The following RP1 variants were observed in gnomAD, a reference collection of about 807,000 sequenced individuals.
RP1 encodes oxygen-regulated protein 1.
A neutral mutation model predicts 14.8 loss-of-function variants in RP1; 16 were observed. That is an observed-to-expected ratio of 1.08 (90% CI 0.73 to 1.65). The LOEUF is 1.65. RP1 is among the 40% of genes most tolerant of loss of function. The probability of loss-of-function intolerance (pLI) is 0.00; values close to 1 mark genes in which losing one functional copy is unlikely to be tolerated. For missense variants in RP1, 2,631 were observed against 2,535.0 expected, an observed-to-expected ratio of 1.04 and a Z score of -0.81; for synonymous variants, 876 against 883.6, an observed-to-expected ratio of 0.99 and a Z score of 0.15.
intron 24 of RP1, among the ~76,000 whole-genome samples, chr8:54,809,375 C>T (rs1041359635): frequency 2.0e-5 from 3 of 152,314 alleles, no homozygotes; most frequent in African/African-American, 4.8e-5. Context: ...AGGCCAAATT[C>T]TCACAGGATA....
chr8:54,607,701 G>A (rs1300578296), intron 1 of RP1, among the ~76,000 whole-genome samples: 4 of 152,160 alleles, frequency 2.6e-5, no homozygotes, highest in Non-Finnish European at 4.4e-5. Flanking sequence ...CCCAGTTTGA[G>A]GTTCCTGGCC....
intron 23 of RP1, among the ~76,000 whole-genome samples, chr8:54,779,505 A>G (rs752940477): frequency 3.9e-5 from 6 of 152,194 alleles, no homozygotes; most frequent in African/African-American, 7.2e-5. Context: ...AGGTGTTTCT[A>G]TATTCAAAAA....
intron 1 of RP1, among the ~76,000 whole-genome samples, chr8:54,566,785 T>A (rs534396600): frequency 2.0e-5 from 3 of 152,072 alleles, no homozygotes; most frequent in South Asian, 4.2e-4. Context: ...GAAAGAAAGG[T>A]AAAAGATATT....
chr8:54,824,355 A>G (rs1585723583), intron 24 of RP1, among the ~76,000 whole-genome samples: 1 of 152,180 alleles, frequency 6.6e-6, no homozygotes, highest in Admixed American at 6.5e-5. Flanking sequence ...AACTCACCCA[A>G]TATGAAATAG....
At chr8:54,644,310 C>G (rs564733160) in intron 3 of RP1, among the ~76,000 whole-genome samples, 16 of 152,308 alleles carry the variant, frequency 1.1e-4, no homozygotes, top group Admixed American at 3.9e-4. Context: ...GTTCTCTGGG[C>G]CCTACTTGGG....
At chr8:54,833,296 A>C (rs1811576588) in intron 24 of RP1, among the ~76,000 whole-genome samples, 1 of 151,862 alleles carries the variant, frequency 6.6e-6, no homozygotes, top group African/African-American at 2.4e-5. Flanking sequence ...TCATGCAAAA[A>C]GCTATACAAA....
intron 24 of RP1, among the ~76,000 whole-genome samples, chr8:54,796,412 T>C (rs1810578045): frequency 6.6e-6 from 1 of 152,162 alleles, no homozygotes; most frequent in Non-Finnish European, 1.5e-5. Context: ...TGTGTTCCTC[T>C]AGAAGATATG....
intron 3 of RP1, among the ~76,000 whole-genome samples, chr8:54,645,027 T>C (rs561855671): frequency 2.6e-5 from 4 of 152,314 alleles, no homozygotes; most frequent in African/African-American, 9.6e-5. Context: ...ATTTATATCA[T>C]AATTACATCT....
At chr8:54,618,297 T>A (rs904076382) in intron 1 of RP1, among the ~76,000 whole-genome samples, 1 of 152,130 alleles carries the variant, frequency 6.6e-6, no homozygotes, top group Non-Finnish European at 1.5e-5. Flanking sequence ...GGCAGCTGCT[T>A]CTTTGCTCCT....
intron 22 of RP1, among the ~76,000 whole-genome samples, chr8:54,766,544 T>C (rs988907331): frequency 6.6e-6 from 1 of 152,158 alleles, no homozygotes; most frequent in Non-Finnish European, 1.5e-5. Context: ...TGTTCATTTT[T>C]TGGGGATGGG....
In RP1 at chr8:54,630,020, T is replaced by C. The variant is rs1343611961; in HGVS notation, c.6138T>C (p.Asn2046=). The change falls in exon 4 of 4, where the codon AAT becomes AAC. Residue 2046 remains asparagine (N), a synonymous_variant. Transcript: ENST00000220676. The part of the protein sequence containing the change: ...FLHTSLLVVG[N]VDSNTQDLSG... ...ACACATCATTGTTAGTTGTGGGTAA[T>C]GTGGATTCAAATACACAAGACCTCA... The C allele has an allele frequency of 5.6e-6, 9 of 1,614,072 alleles. No individual in the cohort carries two copies. Among genetic ancestry groups the C allele is most frequent in the Admixed American group, 3.3e-5 (2 of 60,016 alleles).
intron 3 of RP1, among the ~76,000 whole-genome samples, chr8:54,623,630 T>A (rs2129315317): frequency 1.3e-5 from 2 of 152,128 alleles, no homozygotes; most frequent in South Asian, 4.2e-4. Context: ...GAAGCAAGAG[T>A]GCCAAGGTTA....
chr8:54,771,893 G>T (rs2129375432), downstream of RP1, among the ~76,000 whole-genome samples: 1 of 152,110 alleles, frequency 6.6e-6, no homozygotes, highest in Middle Eastern at 3.4e-3. Flanking sequence ...ATGAGTCTTA[G>T]ATTTTGAAAG....
downstream of RP1, chr8:54,770,120 C>A (rs1224132574): frequency 2.5e-6 from 1 of 402,396 alleles, no homozygotes; most frequent in Non-Finnish European, 4.4e-6. Context: ...TTTATTTTTG[C>A]AGAAATGCAA....
At chr8:54,827,413 A>T (rs1811408480) in intron 24 of RP1, among the ~76,000 whole-genome samples, 1 of 150,864 alleles carries the variant, frequency 6.6e-6, no homozygotes, top group Admixed American at 6.6e-5. Context: ...TGCAGCCTCC[A>T]CCTCCCAAGC....
intron 14 of RP1, among the ~76,000 whole-genome samples, chr8:54,702,818 A>G (rs1045997262): frequency 6.6e-6 from 1 of 152,226 alleles, no homozygotes; most frequent in African/African-American, 2.4e-5. Context: ...AGTCTGAATC[A>G]TTTGTTGTCA....
At chr8:54,852,166 A>C (rs1812073172) in intron 25 of RP1, among the ~76,000 whole-genome samples, 1 of 152,096 alleles carries the variant, frequency 6.6e-6, no homozygotes, top group Non-Finnish European at 1.5e-5. Flanking sequence ...TGTTAGAATA[A>C]TCTCCAAGAA....
intron 24 of RP1, among the ~76,000 whole-genome samples, chr8:54,797,335 G>A (rs531404629): frequency 2.0e-4 from 30 of 152,154 alleles, no homozygotes; most frequent in Non-Finnish European, 3.4e-4. Flanking sequence ...GATAATAGAC[G>A]TTAAGGTAGA....
At chr8:54,731,424 A>G (rs560168329) in intron 17 of RP1, among the ~76,000 whole-genome samples, 9 of 152,250 alleles carry the variant, frequency 5.9e-5, no homozygotes, top group African/African-American at 2.2e-4. Context: ...AGTATTTTAA[A>G]CTTCTGGTCA....
Sources: gnomAD v4.1 joint callset for allele counts (sites outside exome capture counted in the v4.1 genomes callset) on GRCh38, gnomAD v4.1.1 for gene constraint, MANE v1.5 for transcripts, NCBI Gene and HGNC (gene_info 2026-07-23, HGNC 2026-07-21) for gene names.